DTNA: variants seen among roughly 807,000 people sequenced by gnomAD.
The protein encoded by DTNA is dystrophin-related protein 3.
Under a neutral mutation model 100.7 loss-of-function variants are expected in DTNA, and 43 were observed. That is an observed-to-expected ratio of 0.43 (90% confidence interval 0.33 to 0.55). The LOEUF (loss-of-function observed/expected upper bound fraction) is 0.55. DTNA is among the 20% of genes least tolerant of loss of function. The pLI, the probability that DTNA is intolerant of heterozygous loss-of-function variation, is 0.04. For missense variants in DTNA, 798 were observed against 953.9 expected (o/e 0.84, Z 2.15); for synonymous variants, 349 against 347.9 (o/e 1.00, Z -0.04).
intron 1 of DTNA, among the ~76,000 whole-genome samples, chr18:34,522,402 C>T (rs760266161): frequency 1.9e-4 from 29 of 152,172 alleles, no homozygotes; most frequent in Middle Eastern, 3.4e-3. Flanking sequence ...TTTATAGAAC[C>T]GTATGAGATA....
intron 1 of DTNA, among the ~76,000 whole-genome samples, chr18:34,732,870 A>G (rs1182649187): frequency 2.6e-5 from 4 of 152,292 alleles, no homozygotes; most frequent in African/African-American, 4.8e-5. Flanking sequence ...AAGTATGTCT[A>G]TGCCAATTAT....
chr18:34,753,253 C>A (rs967789062), intron 1 of DTNA, among the ~76,000 whole-genome samples: 4 of 152,124 alleles, frequency 2.6e-5, no homozygotes, highest in Non-Finnish European at 5.9e-5. Context: ...ACAAGTAGTA[C>A]AAGCAGCAAG....
chr18:34,860,580 T>G (rs2096611636), intron 16 of DTNA, among the ~76,000 whole-genome samples: 1 of 152,200 alleles, frequency 6.6e-6, no homozygotes, highest in African/African-American at 2.4e-5. Context: ...GCATGGATGT[T>G]TCCGGAGGCT....
intron 1 of DTNA, among the ~76,000 whole-genome samples, chr18:34,614,365 G>T (rs1406761779): frequency 6.6e-6 from 1 of 152,158 alleles, no homozygotes; most frequent in Non-Finnish European, 1.5e-5. Flanking sequence ...CATAGATCAA[G>T]AGTAATTTCA....
chr18:34,825,434 T>C (rs2095838572), intron 9 of DTNA, among the ~76,000 whole-genome samples: 1 of 152,238 alleles, frequency 6.6e-6, no homozygotes, highest in Non-Finnish European at 1.5e-5. Flanking sequence ...TATATAAAAA[T>C]GTCCTCTGTG....
intron 1 of DTNA, among the ~76,000 whole-genome samples, chr18:34,518,854 T>G (rs2145157643): frequency 6.6e-6 from 1 of 151,962 alleles, no homozygotes. Flanking sequence ...TAGCAATATT[T>G]TCAAAATTGT....
Position 34,716,101 on chromosome 18 carries a change from A to C in DTNA, c.-2+5656A>C, listed in dbSNP as rs75483022. Among the ~76,000 whole-genome samples, 1,130 of 152,232 alleles carry C rather than the reference A, an allele frequency of 7.4e-3. 14 individuals carry two copies. Among genetic ancestry groups the C allele is most frequent in the African/African-American group, 0.025 (1,054 of 41,524 alleles). On this transcript the variant is annotated intron_variant, in intron 1 of 22. Coordinates refer to ENST00000444659, the MANE Select transcript of DTNA (RefSeq NM_001386795.1). ...GTAGCAAAGTCTTTAAAAATTGCAT[A>C]TCCTTGGGCCCTACAGTTCTACTAC... is the stretch of plus-strand genomic sequence containing the variant.
At chr18:34,678,099 C>G (rs1217689139) in intron 1 of DTNA, among the ~76,000 whole-genome samples, 2 of 152,092 alleles carry the variant, frequency 1.3e-5, no homozygotes, top group African/African-American at 4.8e-5. Flanking sequence ...ATCACAAGAA[C>G]AGCATGGGGA....
chr18:34,856,177 A>G (rs2096550516), intron 15 of DTNA, among the ~76,000 whole-genome samples: 2 of 152,116 alleles, frequency 1.3e-5, no homozygotes, highest in Admixed American at 1.3e-4. Flanking sequence ...GAGCTCCCCA[A>G]CCCATCTCTG....
chr18:34,538,246 G>A (rs1320431773), intron 1 of DTNA, among the ~76,000 whole-genome samples: 2 of 152,044 alleles, frequency 1.3e-5, no homozygotes, highest in African/African-American at 4.8e-5. Flanking sequence ...CCACAACCCA[G>A]ACCTACTGAA....
At chr18:34,804,669 G>T (rs2095314753) in intron 4 of DTNA, among the ~76,000 whole-genome samples, 1 of 152,206 alleles carries the variant, frequency 6.6e-6, no homozygotes, top group African/African-American at 2.4e-5. Flanking sequence ...TAGTACTACG[G>T]TGAGTCTGAG....
At position 34,889,996 on chromosome 18, in the gene DTNA, A is replaced by C; in HGVS notation, c.*2262A>C. The C allele has an allele frequency of 8.3e-7, 1 of 1,198,178 alleles. No individual in the cohort carries two copies. The highest frequency in any genetic ancestry group is 1.0e-6 in the Non-Finnish European group (1 of 961,480). The allele number at this position is 1,198,178 out of a possible 1,614,324, so 74.2% of individuals were successfully genotyped here. A position where few individuals can be genotyped will look rare whatever the true frequency, so the allele number is the denominator to read the frequency against. On this transcript the variant is annotated 3_prime_UTR_variant, in exon 23 of 23. Transcript: ENST00000444659. The stretch of plus-strand genomic sequence containing the variant: ...AACCACTACATCCCAGCTACCTATA[A>C]TGCTGTCAGCTCAAAATCATAGCCA...
chr18:34,709,065 T>C (rs1249052732), upstream of DTNA, among the ~76,000 whole-genome samples: 2 of 152,118 alleles, frequency 1.3e-5, no homozygotes, highest in Non-Finnish European at 2.9e-5. Context: ...AAAAATTCTG[T>C]GCAGATCTCT....
At chr18:34,495,472 A>AAATTTCATAG (rs1468381522) in intron 1 of DTNA, among the ~76,000 whole-genome samples, 2 of 152,238 alleles carry the variant, frequency 1.3e-5, no homozygotes, top group Admixed American at 1.3e-4. Flanking sequence ...ACTTAATTTT[A>AAATTTCATAG]AATTTCATAG....
chr18:34,608,018 A>G (rs2053486483), intron 1 of DTNA, among the ~76,000 whole-genome samples: 1 of 152,208 alleles, frequency 6.6e-6, no homozygotes, highest in Non-Finnish European at 1.5e-5. Context: ...CTATGATTTG[A>G]ATCTTAAATT....
At chr18:34,573,143 G>A (rs1466676246) in intron 1 of DTNA, among the ~76,000 whole-genome samples, 1 of 152,064 alleles carries the variant, frequency 6.6e-6, no homozygotes, top group Non-Finnish European at 1.5e-5. Context: ...TTTGCACCTG[G>A]CAACTCCTGT....
intron 3 of DTNA, among the ~76,000 whole-genome samples, chr18:34,786,361 G>A (rs1056855314): frequency 2.0e-5 from 3 of 152,174 alleles, no homozygotes; most frequent in African/African-American, 7.2e-5. Context: ...CTTTGTTCTT[G>A]TACTCTGAAG....
At chr18:34,821,030 T>TAAA in intron 9 of DTNA, 115 bp downstream of exon 9, 1 of 1,377,574 alleles carries the variant, frequency 7.3e-7, no homozygotes, top group Non-Finnish European at 9.9e-7. Flanking sequence ...TAATTTAGTT[T>TAAA]AAAAAAAAAA....
intron 1 of DTNA, among the ~76,000 whole-genome samples, chr18:34,642,158 C>T (rs1485724261): frequency 4.6e-5 from 7 of 152,184 alleles, no homozygotes; most frequent in Admixed American, 3.3e-4. Context: ...AGCAGAGAGT[C>T]TGTGAGAAGC....
Sources: allele counts gnomAD v4.1 joint callset (sites outside exome capture counted in the v4.1 genomes callset), GRCh38; gene constraint gnomAD v4.1.1; transcripts MANE v1.5; gene names NCBI Gene and HGNC (gene_info 2026-07-23, HGNC 2026-07-21).